Variants in KIDINS220 observed in about 807,000 individuals in gnomAD.
KIDINS220 encodes the protein kinase D-interacting substrate of 220 kDa.
Under a neutral mutation model 157.6 loss-of-function variants are expected in KIDINS220, and 63 were observed. The observed-to-expected ratio is 0.40, with a 90% confidence interval of 0.33 to 0.49. The LOEUF (loss-of-function observed/expected upper bound fraction) is 0.49, where lower values mean the gene tolerates loss of function less well. Ranked by LOEUF, KIDINS220 falls within the 20% of genes least tolerant of loss-of-function variation. The pLI, the probability that KIDINS220 is intolerant of heterozygous loss-of-function variation, is 0.66. For synonymous variants in KIDINS220, 732 were observed against 783.6 expected (o/e 0.93, Z 1.10); for missense variants, 1,772 against 2,171.2 (o/e 0.82, Z 3.65).
intron 12 of KIDINS220, among the ~76,000 whole-genome samples, chr2:8,791,935 A>G (rs1673242820): frequency 6.6e-6 from 1 of 152,200 alleles, no homozygotes; most frequent in Non-Finnish European, 1.5e-5. Flanking sequence ...CTGGAGAAGA[A>G]TAAAAATGTA....
chr2:8,751,248 A>G lies in KIDINS220; in HGVS notation c.3190+218T>C, dbSNP rs544180510. On this transcript the variant is annotated intron_variant, in intron 23 of 29. Coordinates refer to ENST00000256707, the MANE Select transcript of KIDINS220 (RefSeq NM_020738.4). ...TAAAGTGAGATCCACAAATACTAAC[A>G]GGATTTTCTTTTTTTTTTTTTTTGT... Among the ~76,000 whole-genome samples, 11 of 150,430 alleles carry G rather than the reference A, an allele frequency of 7.3e-5. No homozygotes were observed. The South Asian group carries it at 2.3e-3, about 32-fold the overall frequency.
At chr2:8,749,103 G>C (rs899180045) in intron 24 of KIDINS220, among the ~76,000 whole-genome samples, 1 of 152,082 alleles carries the variant, frequency 6.6e-6, no homozygotes, top group Non-Finnish European at 1.5e-5. Flanking sequence ...TTGTCTCCTT[G>C]TCCAAATAGA....
At chr2:8,748,552 C>A (rs186327294) in intron 24 of KIDINS220, among the ~76,000 whole-genome samples, 2 of 151,964 alleles carry the variant, frequency 1.3e-5, no homozygotes, top group South Asian at 2.1e-4. Flanking sequence ...TTTTAAAAAA[C>A]GTGGGGAATC....
rs1429890576 is a variant in KIDINS220 at position 8,770,677 on chromosome 2, A to G, written c.3004T>C (p.Tyr1002His). The change falls in exon 22 of 30, where the codon TAC becomes CAC. Residue 1002 changes from tyrosine to histidine, a missense_variant. Physicochemically the swap from Tyr to His is moderately conservative, Grantham distance 83. This residue lies in a region of KIDINS220 where 725 missense variants were observed against 1,017.1 expected (regional missense o/e 0.71). Transcript: ENST00000256707. ...AGAGGTCACAAAAGGTACCTTTCGT[A>G]GATGGTTTTTAATGTCATTTGATCT... The part of the protein sequence containing the change: ...IPDQMTLKTI[Y>H]ERISKNIPTT... 1 of 1,588,120 alleles carries G rather than the reference A, an allele frequency of 6.3e-7. No individual in the cohort carries two copies. The highest frequency in any genetic ancestry group is 8.6e-7 in the Non-Finnish European group (1 of 1,166,888).
intron 6 of KIDINS220, among the ~76,000 whole-genome samples, chr2:8,811,124 C>T (rs1233369294): frequency 6.6e-6 from 1 of 152,100 alleles, no homozygotes; most frequent in Non-Finnish European, 1.5e-5. Flanking sequence ...TACTGTTGTA[C>T]TTAAAGAAAT....
At chr2:8,724,468 G>A (rs902450051), downstream of KIDINS220, 2 of 152,152 alleles carry the variant, frequency 1.3e-5, no homozygotes, top group African/African-American at 4.8e-5. The surrounding 1 kb of genome is among the most constrained non-coding windows in gnomAD (Gnocchi z 4.6). Flanking sequence ...GGTTGGTCTT[G>A]AACTCCTGAC....
chr2:8,824,047 C>A (rs1678396728), intron 2 of KIDINS220, among the ~76,000 whole-genome samples: 1 of 151,016 alleles, frequency 6.6e-6, no homozygotes, highest in Admixed American at 6.6e-5. Context: ...CAAATATGGA[C>A]TCTACCAAAT....
chr2:8,751,791 T>A (rs932721987), intron 22 of KIDINS220, 147 bp from the exon 23 acceptor site: 2 of 613,448 alleles, frequency 3.3e-6, no homozygotes, highest in African/African-American at 3.7e-5. Context: ...CTGCAACCTC[T>A]GCCTCCAGGT....
Position 8,794,331 on chromosome 2 carries a change from A to T in KIDINS220, c.1099-344T>A, listed in dbSNP as rs1048824641. On this transcript the variant is annotated intron_variant, in intron 11 of 29. Coordinates refer to ENST00000256707, the MANE Select transcript of KIDINS220 (RefSeq NM_020738.4). ...TCATTAGTATCCCTCCATCATCCAA[A>T]TATTTATTGTCCAAGGATGTCAACT... 2.6e-4 allele frequency: 43 copies of T among 166,948 alleles called. 1 individual carries two copies. The highest frequency in any genetic ancestry group is 9.0e-5 in the Non-Finnish European group (7 of 77,924). The allele number at this position is 166,948 out of a possible 1,614,324, so 10.3% of individuals were successfully genotyped here. A position where few individuals can be genotyped will look rare whatever the true frequency, so the allele number is the denominator to read the frequency against.
intron 22 of KIDINS220, chr2:8,757,728 ACT>A: frequency 6.2e-7 from 1 of 1,612,446 alleles, no homozygotes; most frequent in Non-Finnish European, 8.5e-7. Context: ...CAACATGGCA[ACT>A]AACACTGACT....
intron 9 of KIDINS220, among the ~76,000 whole-genome samples, chr2:8,799,492 C>T (rs1472939477): frequency 6.6e-6 from 1 of 152,160 alleles, no homozygotes; most frequent in East Asian, 1.9e-4. Context: ...CTACCTTCTT[C>T]CAAAAGCCCC....
chr2:8,775,997 A>G (rs531346270), intron 21 of KIDINS220, among the ~76,000 whole-genome samples: 1 of 152,350 alleles, frequency 6.6e-6, no homozygotes, highest in East Asian at 1.9e-4. Flanking sequence ...AAATGAATAC[A>G]TATATGTTGA....
At chr2:8,820,655 G>GT (rs1480692117) in intron 2 of KIDINS220, among the ~76,000 whole-genome samples, 2 of 151,852 alleles carry the variant, frequency 1.3e-5, no homozygotes, top group African/African-American at 4.8e-5. Context: ...AGGGAATGAC[G>GT]TATTACACAT....
chr2:8,798,867 C>G (rs1292486435), intron 9 of KIDINS220, among the ~76,000 whole-genome samples: 2 of 152,072 alleles, frequency 1.3e-5, no homozygotes, highest in Non-Finnish European at 2.9e-5. Flanking sequence ...AACAAAAAAA[C>G]GAACTCAAAC....
At chr2:8,753,027 C>T (rs1667568707) in intron 22 of KIDINS220, among the ~76,000 whole-genome samples, 1 of 151,912 alleles carries the variant, frequency 6.6e-6, no homozygotes, top group Admixed American at 6.6e-5. Context: ...TTTTGTAGGT[C>T]AAAAATGGTC....
downstream of KIDINS220, chr2:8,721,489 G>A (rs936103311): frequency 2.6e-5 from 4 of 152,180 alleles, no homozygotes; most frequent in Admixed American, 2.0e-4. Context: ...TTCTCCATAA[G>A]TATAATTCAC....
chr2:8,751,575 A>G lies in KIDINS220; in HGVS notation c.3081T>C (p.Asn1027=), dbSNP rs1667368009. 1 of 1,612,838 alleles carries G rather than the reference A, an allele frequency of 6.2e-7. No homozygotes were observed. Among genetic ancestry groups the G allele is most frequent in the East Asian group, 2.2e-5 (1 of 44,864 alleles). Residue 1027 remains asparagine (N), a synonymous_variant, in exon 23 of 30, where the codon AAT becomes AAC. Coordinates refer to ENST00000256707, the MANE Select transcript of KIDINS220 (RefSeq NM_020738.4). ...PLLEIDGDIR[N]FEVFLSSRTP... The stretch of plus-strand genomic sequence containing the variant: ...TCCTTGAAGACAAAAACACTTCAAA[A>G]TTTCTTATATCTCCATCAATTTCAA...
chr2:8,733,420 T>A (rs202235222), intron 29 of KIDINS220, 24 bp downstream of exon 29: 4 of 1,567,318 alleles, frequency 2.6e-6, no homozygotes, highest in Non-Finnish European at 3.5e-6. Context: ...TTCAATAATA[T>A]GAAAAATGCC....
At chr2:8,747,384 A>G (rs1333154270) in intron 25 of KIDINS220, 183 bp from the exon 26 acceptor site, 8 of 578,300 alleles carry the variant, frequency 1.4e-5, no homozygotes, top group Middle Eastern at 4.4e-4. Flanking sequence ...TACTTTTATC[A>G]TCAGGAACCT....
Sources: allele counts gnomAD v4.1 joint callset (sites outside exome capture counted in the v4.1 genomes callset), GRCh38; gene constraint gnomAD v4.1.1; regional missense constraint gnomAD v4.1.1; non-coding constraint Gnocchi (gnomAD v3.1); transcripts MANE v1.5; gene names NCBI Gene and HGNC (gene_info 2026-07-23, HGNC 2026-07-21).